Variants in ZMYND11 observed in about 807,000 individuals in gnomAD.
ZMYND11 encodes zinc finger MYND-type containing 11, also known as zinc finger MYND domain-containing protein 11.
In ZMYND11, 9 loss-of-function variants were observed where a neutral mutation model predicts 84.9. That is an observed-to-expected ratio of 0.11 (90% confidence interval 0.06 to 0.18). The LOEUF (loss-of-function observed/expected upper bound fraction) is 0.18, where lower values mean the gene tolerates loss of function less well. ZMYND11 is among the 10% of genes least tolerant of loss of function. The probability of loss-of-function intolerance (pLI) is 1.00; values close to 1 mark genes in which losing one functional copy is unlikely to be tolerated. For missense variants in ZMYND11, 409 were observed against 761.0 expected (o/e 0.54, Z 5.44); for synonymous variants, 250 against 244.1 (o/e 1.02, Z -0.23).
intron 1 of ZMYND11, among the ~76,000 whole-genome samples, chr10:146,347 A>G (rs902455098): frequency 5.3e-5 from 8 of 152,130 alleles, no homozygotes; most frequent in Non-Finnish European, 1.0e-4. Context: ...TGCTTTGGCT[A>G]TTTGAGCCAT....
chr10:248,707 A>T, intron 13 of ZMYND11, 99 bp downstream of exon 13: 1 of 1,440,406 alleles, frequency 6.9e-7, no homozygotes, highest in South Asian at 1.4e-5. Flanking sequence ...CAGCTTTTAC[A>T]TGTAGCCATA....
upstream of ZMYND11, among the ~76,000 whole-genome samples, chr10:133,718 C>G (rs186042419): frequency 5.1e-4 from 78 of 152,272 alleles, no homozygotes; most frequent in African/African-American, 1.4e-3. Context: ...ATTCCTGGCC[C>G]AACATTCAAA....
At chr10:172,577 A>G (rs1225865310) in intron 1 of ZMYND11, among the ~76,000 whole-genome samples, 4 of 152,202 alleles carry the variant, frequency 2.6e-5, no homozygotes, top group Non-Finnish European at 5.9e-5. Context: ...GGAAGACTGC[A>G]GAGCTCTGAT....
rs1360196968 is a variant in ZMYND11, at chr10:163,098, G to A, written c.-19-16896G>A. ...TATCTACATGACTGAAATGTCTTTA[G>A]TCGGCCTTCACTAGTTGATCATTTA... On this transcript the variant is annotated intron_variant, in intron 1 of 14. Coordinates refer to ENST00000381604, the MANE Select transcript of ZMYND11 (RefSeq NM_001370100.5). Among the ~76,000 whole-genome samples the A allele has an allele frequency of 3.9e-5, 6 of 152,128 alleles. No homozygotes were observed. The East Asian group carries it at 1.2e-3, about 29-fold the overall frequency.
Position 167,637 on chromosome 10 carries a change from G to A in ZMYND11, c.-19-12357G>A, listed in dbSNP as rs1156608389. On this transcript the variant is annotated intron_variant, in intron 1 of 14. Coordinates refer to ENST00000381604, the MANE Select transcript of ZMYND11 (RefSeq NM_001370100.5). ...CCAGGAGATCCATTCTAAGGGCTCT[G>A]TATTGCCAGTTATCCATGTTCTATG... 2.0e-5 allele frequency among the ~76,000 whole-genome samples: 3 copies of A among 152,020 alleles called. No individual in the cohort carries two copies. The East Asian group carries it at 5.8e-4, about 29-fold the overall frequency.
At position 237,579 on chromosome 10, in the gene ZMYND11, T is replaced by C; in HGVS notation, c.517-6T>C. 1 of 1,598,058 alleles carries C rather than the reference T, an allele frequency of 6.3e-7. No individual in the cohort carries two copies. Among genetic ancestry groups the C allele is most frequent in the Non-Finnish European group, 8.6e-7 (1 of 1,169,006 alleles). ...CATTTAAATTGATGTACTAACACCC[T>C]CTTAGGCTATAGATCTTAATAAAAA... On this transcript the variant is annotated splice_polypyrimidine_tract_variant and splice_region_variant and intron_variant, in intron 5 of 14. Coordinates refer to ENST00000381604, the MANE Select transcript of ZMYND11 (RefSeq NM_001370100.5).
rs71374342 is a variant in ZMYND11, at chr10:158,991, GT to G, written c.-19-20986del. On this transcript the variant is annotated intron_variant, in intron 1 of 14. Transcript: ENST00000381604. The stretch of plus-strand genomic sequence containing the variant: ...TGATTTGCAGGGTTTTTTGTTTTTT[GT>G]TTTTTTTTTTTTTTTTACATTATGT... Among the ~76,000 whole-genome samples, 396 of 58,622 alleles carry G rather than the reference GT, an allele frequency of 6.8e-3. 3 individuals carry two copies. Among genetic ancestry groups the G allele is most frequent in the African/African-American group, 0.02 (356 of 17,860 alleles). 38.5% of individuals were successfully genotyped at this position (58,622 alleles called of 152,430 possible). A position where few individuals can be genotyped will look rare whatever the true frequency, so the allele number is the denominator to read the frequency against.
Position 209,930 on chromosome 10 carries a change from C to T in ZMYND11, c.158C>T (p.Thr53Ile). ...RVHGMHPKET[T>I]RQLSLAVKDG... is the part of the protein sequence containing the mutation. ...CACGGTATGCACCCTAAAGAGACCA[C>T]CCGTCAGCTGAGCTTAGCTGTGAAA... Residue 53 changes from threonine (T) to isoleucine (I), a missense_variant, in exon 3 of 15, where the codon ACC becomes ATC. This residue lies in a region of ZMYND11 where 73 missense variants were observed against 185.8 expected (regional missense o/e 0.39). Coordinates refer to ENST00000381604, the MANE Select transcript of ZMYND11 (RefSeq NM_001370100.5). The T allele has an allele frequency of 6.2e-7, 1 of 1,614,042 alleles. No homozygotes were observed. The highest frequency in any genetic ancestry group is 8.5e-7 in the Non-Finnish European group (1 of 1,179,972).
chr10:222,538 A>C (rs750062397), intron 4 of ZMYND11, among the ~76,000 whole-genome samples: 2 of 152,188 alleles, frequency 1.3e-5, no homozygotes, highest in Non-Finnish European at 2.9e-5. Flanking sequence ...TGTCTGTAAG[A>C]AATTAGTGTA....
chr10:194,459 T>A (rs1192797744), intron 2 of ZMYND11, among the ~76,000 whole-genome samples: 1 of 152,206 alleles, frequency 6.6e-6, no homozygotes, highest in East Asian at 1.9e-4. Context: ...ATTGCTAGGC[T>A]ATGTGATAAG....
intron 1 of ZMYND11, among the ~76,000 whole-genome samples, chr10:177,264 C>G (rs1846854213): frequency 6.6e-6 from 1 of 152,034 alleles, no homozygotes; most frequent in Admixed American, 6.5e-5. Flanking sequence ...TTTTTGGTAC[C>G]TTTGTAATAT....
intron 4 of ZMYND11, 78 bp downstream of exon 4, chr10:221,434 T>C (rs555272265): frequency 6.7e-7 from 1 of 1,485,816 alleles, no homozygotes; most frequent in East Asian, 2.3e-5. Flanking sequence ...ATATCCCAGG[T>C]GGTCTTGCCA....
intron 1 of ZMYND11, chr10:148,551 G>A (rs538159506): frequency 1.4e-4 from 22 of 152,392 alleles, no homozygotes; most frequent in African/African-American, 5.0e-4. Context: ...ACTCACACTA[G>A]TGTTTTGAGG....
At chr10:176,728 C>T (rs1211484429) in intron 1 of ZMYND11, among the ~76,000 whole-genome samples, 1 of 151,946 alleles carries the variant, frequency 6.6e-6, no homozygotes, top group Non-Finnish European at 1.5e-5. Context: ...TGGTTTGATT[C>T]CAGGAGAAAA....
In ZMYND11 at chr10:180,748, G is replaced by A. The variant is rs188367549; in HGVS notation, c.116+620G>A. Reference sequence around the variant, plus strand: ...CTTTAGTGAATCACTTTTATGTAGCGAAGCTATCTAAAAACAGTCTACTGT... The same window carrying A: ...CTTTAGTGAATCACTTTTATGTAGCAAAGCTATCTAAAAACAGTCTACTGT... On this transcript the variant is annotated intron_variant, in intron 2 of 14. Transcript: ENST00000381604. Among the ~76,000 whole-genome samples the A allele has an allele frequency of 5.2e-4, 79 of 152,212 alleles. 1 individual carries two copies. Among genetic ancestry groups the A allele is most frequent in the Non-Finnish European group, 9.4e-4 (64 of 67,998 alleles).
chr10:168,236 A>T (rs1334881877), intron 1 of ZMYND11, among the ~76,000 whole-genome samples: 1 of 152,152 alleles, frequency 6.6e-6, no homozygotes, highest in Admixed American at 6.6e-5. Flanking sequence ...TATGTAGCTT[A>T]TACATGCAAG....
At chr10:181,802 G>A (rs1847941696) in intron 2 of ZMYND11, among the ~76,000 whole-genome samples, 1 of 151,902 alleles carries the variant, frequency 6.6e-6, no homozygotes, top group Non-Finnish European at 1.5e-5. Context: ...TGAACAATAA[G>A]AATAAAATAA....
At chr10:238,192 A>G (rs752700671) in intron 6 of ZMYND11, among the ~76,000 whole-genome samples, 4 of 152,262 alleles carry the variant, frequency 2.6e-5, no homozygotes, top group Admixed American at 2.0e-4. Flanking sequence ...TCCAGTAACA[A>G]ATTGCAACAA....
intron 2 of ZMYND11, among the ~76,000 whole-genome samples, chr10:195,584 T>C (rs1378372346): frequency 1.3e-5 from 2 of 152,198 alleles, no homozygotes; most frequent in African/African-American, 4.8e-5. Flanking sequence ...ATACATGCAG[T>C]ATGATTCCAT....
Sources: allele counts gnomAD v4.1 joint callset (sites outside exome capture counted in the v4.1 genomes callset), GRCh38; gene constraint gnomAD v4.1.1; regional missense constraint gnomAD v4.1.1; transcripts MANE v1.5; gene names NCBI Gene and HGNC (gene_info 2026-07-23, HGNC 2026-07-21).